Variants in ZNF479 observed in about 807,000 individuals in gnomAD.
The protein encoded by ZNF479 is zinc finger protein 479.
Under a neutral mutation model 14.7 loss-of-function variants are expected in ZNF479, and 15 were observed. The observed-to-expected ratio is 1.02, with a 90% CI of 0.68 to 1.57. ZNF479 has a LOEUF of 1.57. Among genes scored for constraint, ZNF479 ranks in the 40% most tolerant of loss-of-function variants. The pLI is 0.00. For synonymous variants in ZNF479, 145 were observed against 211.5 expected, an observed-to-expected ratio of 0.69 and a Z score of 2.73; for missense variants, 506 against 615.1, an observed-to-expected ratio of 0.82 and a Z score of 1.88.
At chr7:57,125,883 G>C in intron 3 of ZNF479, 135 bp downstream of exon 3, 1 of 1,209,164 alleles carries the variant, frequency 8.3e-7, no homozygotes, top group Non-Finnish European at 1.2e-6. Flanking sequence ...GAGAGCAAAA[G>C]AAAAAAATGA....
rs1343575783 is a variant in ZNF479, at chr7:57,119,744, G to A, written c.*96C>T. ...TTACATTCAATTAAGGTTTGGAACTGGTTAAAGGCTTGGCCACATTCTCTA... is the reference window on the plus strand; with the variant it reads ...TTACATTCAATTAAGGTTTGGAACTAGTTAAAGGCTTGGCCACATTCTCTA... On this transcript the variant is annotated 3_prime_UTR_variant, in exon 4 of 4. Transcript: ENST00000319636. 8.9e-6 allele frequency: 10 copies of A among 1,121,404 alleles called. No individual in the cohort carries two copies. In the African/African-American group the frequency reaches 1.4e-4, roughly 16 times the overall value. The allele number at this position is 1,121,404 out of a possible 1,614,324, so 69.5% of individuals were successfully genotyped here.
Position 57,119,699 on chromosome 7 carries a change from T to A in ZNF479, c.*141A>T. The A allele has an allele frequency of 1.2e-6, 1 of 817,988 alleles. No individual in the cohort carries two copies. Among genetic ancestry groups the A allele is most frequent in the African/African-American group, 1.7e-5 (1 of 57,644 alleles). The allele number at this position is 817,988 out of a possible 1,614,324, so 50.7% of individuals were successfully genotyped here. The stretch of plus-strand genomic sequence containing the variant: ...TACATTTTTTTACATTTATAAAATT[T>A]CTGTCCAATATGAATTCTCTTACAT... On this transcript the variant is annotated 3_prime_UTR_variant, in exon 4 of 4. Coordinates refer to ENST00000319636, the MANE Select transcript of ZNF479 (RefSeq NM_001370129.2).
chr7:57,133,333 C>T (rs941468768), upstream of ZNF479, among the ~76,000 whole-genome samples: 3 of 152,062 alleles, frequency 2.0e-5, no homozygotes, highest in Non-Finnish European at 1.5e-5. Flanking sequence ...GCTTTCCCTT[C>T]ACCTTCTGTC....
Position 57,126,630 on chromosome 7 carries a change from T to C in ZNF479, c.128A>G (p.Asp43Gly), listed in dbSNP as rs571763711. The change falls in exon 2 of 4, where the codon GAT becomes GGT. Residue 43 changes from aspartate (D) to glycine (G), a missense_variant. Around this residue, in one of 3 missense-constraint regions of ZNF479, gnomAD observed 420 missense variants for 474.2 expected, o/e 0.89. Coordinates refer to ENST00000319636, the MANE Select transcript of ZNF479 (RefSeq NM_001370129.2). ...GTTTCTGTAGTTCTCTAACATCACATCTCTATATAAATTCCGCTGAGCACA... is the reference window on the plus strand; with the variant it reads ...GTTTCTGTAGTTCTCTAACATCACACCTCTATATAAATTCCGCTGAGCACA... ...LDCAQRNLYR[D>G]VMLENYRNLV... is the part of the protein sequence containing the mutation. 6.2e-6 allele frequency: 10 copies of C among 1,614,064 alleles called. No homozygotes were observed. In the East Asian group the frequency reaches 2.2e-4, roughly 36 times the overall value.
rs1182168325 is a variant in ZNF479 at position 57,119,023 on chromosome 7, T to G, written c.*817A>C. 6.6e-6 allele frequency among the ~76,000 whole-genome samples: 1 copy of G among 152,198 alleles called. No individual in the cohort carries two copies. The highest frequency in any genetic ancestry group is 6.5e-5 in the Admixed American group (1 of 15,282). On this transcript the variant is annotated 3_prime_UTR_variant, in exon 4 of 4. Coordinates refer to ENST00000319636, the MANE Select transcript of ZNF479 (RefSeq NM_001370129.2). ...CAGAGTTTCTCTCCAGTATAAAATT[T>G]TTTAGTGAGTAAGCATGGAGAACCA...
chr7:57,132,760 T>C (rs1448501757), upstream of ZNF479, among the ~76,000 whole-genome samples: 1 of 152,194 alleles, frequency 6.6e-6, no homozygotes, highest in African/African-American at 2.4e-5. Context: ...TATTTTAAAA[T>C]GTAGGATTTT....
intron 1 of ZNF479, among the ~76,000 whole-genome samples, chr7:57,138,005 A>G (rs905240988): frequency 6.6e-6 from 1 of 152,310 alleles, no homozygotes; most frequent in East Asian, 1.9e-4. Flanking sequence ...ACGTGTTTAC[A>G]GGGTGGATTG....
intron 1 of ZNF479, among the ~76,000 whole-genome samples, chr7:57,138,803 C>T (rs2115916958): frequency 6.6e-6 from 1 of 152,286 alleles, no homozygotes; most frequent in South Asian, 2.1e-4. Context: ...AAATTGTCAC[C>T]TTTATATAGG....
chr7:57,126,056 T>C lies in ZNF479; in HGVS notation c.224A>G (p.Gln75Arg), dbSNP rs199932939. ...TACCATCTCATTTCTCTTTATATTC[T>C]GGGACTCTTTATTTTGCTCCAGACA... ...ITCLEQNKESQNIKRNEMVAK... is the reference protein window; with the variant it reads ...ITCLEQNKESRNIKRNEMVAK... The change falls in exon 3 of 4, where the codon CAG becomes CGG. Residue 75 changes from glutamine to arginine, a missense_variant. Transcript: ENST00000319636. The C allele has an allele frequency of 5.2e-3, 8,416 of 1,604,388 alleles. 51 individuals carry two copies. Among genetic ancestry groups the C allele is most frequent in the Middle Eastern group, 0.025 (149 of 6,060 alleles).
At chr7:57,136,191 C>A (rs1169142346), upstream of ZNF479, among the ~76,000 whole-genome samples, 1 of 151,924 alleles carries the variant, frequency 6.6e-6, no homozygotes, top group African/African-American at 2.4e-5. Flanking sequence ...GAAGACCAGC[C>A]CGGCCAACAT....
chr7:57,120,745 A>G lies in ZNF479; in HGVS notation c.670T>C (p.Cys224Arg). 6.2e-7 allele frequency: 1 copy of G among 1,612,742 alleles called. No individual in the cohort carries two copies. Among genetic ancestry groups the G allele is most frequent in the South Asian group, 1.1e-5 (1 of 90,954 alleles). Residue 224 changes from cysteine to arginine, a missense_variant, in exon 4 of 4, where the codon TGC becomes CGC. Cys to Arg is a radical substitution (Grantham distance 180). This residue lies in a region of ZNF479 where 420 missense variants were observed against 474.2 expected (regional missense o/e 0.89). Transcript: ENST00000319636. ...TTATGTGTAGTATGGTTTGAGGAGC[A>G]GTTAAAGGATTTGCCACATTCTTTG... is the stretch of plus-strand genomic sequence containing the variant. ...KCKECGKSFN[C>R]SSNHTTHKII... is the part of the protein sequence containing the mutation.
In ZNF479 at chr7:57,120,694, A is replaced by C. The variant is rs1554400278; in HGVS notation, c.721T>G (p.Tyr241Asp). ...GCTTTGCCACATTCCTCACATCTAT[A>C]TGGTTTCTCTCCAGTATGAATTATT... ...HKIIHTGEKPYRCEECGKAFS... is the reference protein window; with the variant it reads ...HKIIHTGEKPDRCEECGKAFS... Residue 241 changes from tyrosine (Y) to aspartate (D), a missense_variant, in exon 4 of 4, where the codon TAT (tyrosine) becomes GAT (aspartate). Tyr to Asp is a radical substitution (Grantham distance 160, BLOSUM62 -3). This residue lies in a region of ZNF479 where 420 missense variants were observed against 474.2 expected (regional missense o/e 0.89). Transcript: ENST00000319636. 6.2e-7 allele frequency: 1 copy of C among 1,613,198 alleles called. No homozygotes were observed. Among genetic ancestry groups the C allele is most frequent in the Non-Finnish European group, 8.5e-7 (1 of 1,179,706 alleles).
chr7:57,119,950 C>G lies in ZNF479; in HGVS notation c.1465G>C (p.Gly489Arg), dbSNP rs1554399778. 2.5e-6 allele frequency: 4 copies of G among 1,613,964 alleles called. No homozygotes were observed. Among genetic ancestry groups the G allele is most frequent in the Non-Finnish European group, 3.4e-6 (4 of 1,179,958 alleles). ...TLMQHKRIHT[G>R]EKPYKCEECE... ...TCTTCACATTTGTAGGGTTTCTCTC[C>G]AGTATGAATTCTCTTATGTTGCATA... is the stretch of plus-strand genomic sequence containing the variant. The change falls in exon 4 of 4, where the codon GGA becomes CGA. Residue 489 changes from glycine (G) to arginine (R), a missense_variant. Gly to Arg is a moderately radical substitution (Grantham distance 125). This residue lies in a region of ZNF479 where 72 missense variants were observed against 97.6 expected (regional missense o/e 0.74). Coordinates refer to ENST00000319636, the MANE Select transcript of ZNF479 (RefSeq NM_001370129.2).
chr7:57,128,406 C>G (rs548370252), intron 1 of ZNF479, among the ~76,000 whole-genome samples: 1 of 152,274 alleles, frequency 6.6e-6, no homozygotes, highest in Non-Finnish European at 1.5e-5. Context: ...AAATGCCACC[C>G]TGTTTAAATG....
At chr7:57,126,789 T>G (rs1352696551) in intron 1 of ZNF479, 71 bp from the exon 2 acceptor site, 1 of 1,576,074 alleles carries the variant, frequency 6.3e-7, no homozygotes, top group African/African-American at 1.4e-5. Context: ...GCAGAGATTT[T>G]TATTTGACTC....
chr7:57,137,079 A>T (rs1022945281), upstream of ZNF479, among the ~76,000 whole-genome samples: 1 of 152,192 alleles, frequency 6.6e-6, no homozygotes, highest in Non-Finnish European at 1.5e-5. Context: ...AGTCAGAAAT[A>T]TTGGCACTTT....
rs1165900673 is a variant in ZNF479, at chr7:57,119,288, G to C, written c.*552C>G. On this transcript the variant is annotated 3_prime_UTR_variant, in exon 4 of 4. Transcript: ENST00000319636. ...GAATGAATGATCAGATAATATGTAA[G>C]GCCTGAGATGTGCTTAAAGGTTTTG... Among the ~76,000 whole-genome samples, 1 of 152,116 alleles carries C rather than the reference G, an allele frequency of 6.6e-6. No individual in the cohort carries two copies. Among genetic ancestry groups the C allele is most frequent in the African/African-American group, 2.4e-5 (1 of 41,426 alleles).
At chr7:57,121,243 AT>A in intron 3 of ZNF479, 91 bp from the exon 4 acceptor site, 2 of 1,526,850 alleles carry the variant, frequency 1.3e-6, no homozygotes, top group Admixed American at 4.2e-5. Context: ...CACAAGGTAC[AT>A]TAGCAAAATG....
chr7:57,119,114 A>C lies in ZNF479; in HGVS notation c.*726T>G, dbSNP rs1205875074. ...TTCTCTCCAATATCAATTATCTTAC[A>C]TTTATTCAGGTTTGAGGACTTTTTA... On this transcript the variant is annotated 3_prime_UTR_variant, in exon 4 of 4. Transcript: ENST00000319636. 1.3e-5 allele frequency among the ~76,000 whole-genome samples: 2 copies of C among 152,128 alleles called. No individual in the cohort carries two copies. Among genetic ancestry groups the C allele is most frequent in the Admixed American group, 6.5e-5 (1 of 15,272 alleles).
Sources: gnomAD v4.1 joint callset for allele counts (sites outside exome capture counted in the v4.1 genomes callset) on GRCh38, gnomAD v4.1.1 for gene constraint, gnomAD v4.1.1 regional missense constraint, MANE v1.5 for transcripts, NCBI Gene and HGNC (gene_info 2026-07-23, HGNC 2026-07-21) for gene names.